Variants in PRR16 observed in about 807,000 individuals in gnomAD.
PRR16 encodes the protein proline rich 16, also known as protein Largen.
In PRR16, 6 loss-of-function variants were observed where a neutral mutation model predicts 18.2. That is an observed-to-expected ratio of 0.33 (90% CI 0.18 to 0.65). PRR16 has a LOEUF of 0.65. Among genes scored for constraint, PRR16 ranks in the 30% least tolerant of loss-of-function variants. The probability of loss-of-function intolerance (pLI) is 0.74; values close to 1 mark genes in which losing one functional copy is unlikely to be tolerated. For missense variants in PRR16, 412 were observed against 376.6 expected (o/e 1.09, Z -0.78); for synonymous variants, 151 against 147.8 (o/e 1.02, Z -0.16).
chr5:120,657,240 A>G (rs1457782983), intron 1 of PRR16, among the ~76,000 whole-genome samples: 2 of 151,974 alleles, frequency 1.3e-5, no homozygotes, highest in African/African-American at 2.4e-5. Context: ...TTGCCAGCCC[A>G]GGTTTTAAAC....
chr5:120,743,478 AT>A, the PRR16 span, among the ~76,000 whole-genome samples: 52 of 152,198 alleles, frequency 3.4e-4, no homozygotes, highest in African/African-American at 1.2e-3. Context: ...TTCCCTTAGA[AT>A]TTCAGAGTTA....
the PRR16 span, among the ~76,000 whole-genome samples, chr5:120,785,572 G>GTTTTTTTTTTTTTTTTTTTTT: frequency 1.8e-3 from 218 of 119,900 alleles, 36 homozygotes; most frequent in Middle Eastern, 4.4e-3. Context: ...TTTTGTTGTT[G>GTTTTTTTTTTTTTTTTTTTTT]TTGTTTTTTT....
chr5:120,475,848 G>C lies in PRR16; in HGVS notation c.159+11203G>C, dbSNP rs144364365. On this transcript the variant is annotated intron_variant, in intron 1 of 1. Coordinates refer to ENST00000407149, the MANE Select transcript of PRR16 (RefSeq NM_001300783.2). ...CAGCAAAACATATGTAGCCCCTGCC[G>C]TCTTGGAACTTATATTTTAGTAGAG... Among the ~76,000 whole-genome samples, 181 of 152,140 alleles carry C rather than the reference G, an allele frequency of 1.2e-3. 2 individuals are homozygous for C. Among genetic ancestry groups the C allele is most frequent in the African/African-American group, 4.0e-3 (164 of 41,500 alleles).
rs746425122 is a variant in PRR16, at chr5:120,600,262, G to A, written c.160-85692G>A. 4.0e-4 allele frequency among the ~76,000 whole-genome samples: 61 copies of A among 151,760 alleles called. 1 individual carries two copies. Among genetic ancestry groups the A allele is most frequent in the Non-Finnish European group, 8.7e-4 (59 of 67,854 alleles). ...CATTCTATGCCAATTTGACTAGAAT[G>A]TCTCCTTTTTTGTTTAAGCCCCTTT... is the stretch of plus-strand genomic sequence containing the variant. On this transcript the variant is annotated intron_variant, in intron 1 of 1. Transcript: ENST00000407149.
the PRR16 span, among the ~76,000 whole-genome samples, chr5:120,762,939 A>ATT: frequency 6.6e-5 from 10 of 151,954 alleles, no homozygotes; most frequent in Non-Finnish European, 1.3e-4. Context: ...CTTTGAGTTG[A>ATT]TTTTTGTGTG....
chr5:120,516,200 G>A lies in PRR16; in HGVS notation c.159+51555G>A, dbSNP rs544455279. Among the ~76,000 whole-genome samples, 5 of 152,188 alleles carry A rather than the reference G, an allele frequency of 3.3e-5. No homozygotes were observed. The South Asian group carries it at 8.3e-4, about 25-fold the overall frequency. ...GCACTTTGGGAGGTGGAGGTGGGAG[G>A]ATCACTTGAGGTCAGGAGTTCGAGA... On this transcript the variant is annotated intron_variant, in intron 1 of 1. Transcript: ENST00000407149.
intron 1 of PRR16, among the ~76,000 whole-genome samples, chr5:120,476,818 A>G (rs548539634): frequency 1.3e-5 from 2 of 152,256 alleles, no homozygotes; most frequent in East Asian, 3.9e-4. Flanking sequence ...AATAAAAATA[A>G]AAAATAAAAA....
chr5:120,740,096 T>G, the PRR16 span, among the ~76,000 whole-genome samples: 5 of 152,148 alleles, frequency 3.3e-5, no homozygotes, highest in African/African-American at 9.7e-5. Flanking sequence ...GGACAATGAT[T>G]ATTACTTCTA....
At chr5:120,739,859 T>C in the PRR16 span, among the ~76,000 whole-genome samples, 28 of 152,066 alleles carry the variant, frequency 1.8e-4, no homozygotes, top group Non-Finnish European at 3.1e-4. Flanking sequence ...AGTAGAGTTC[T>C]GGAAGCGATT....
At chr5:120,793,195 C>G in the PRR16 span, among the ~76,000 whole-genome samples, 1 of 152,018 alleles carries the variant, frequency 6.6e-6, no homozygotes, top group African/African-American at 2.4e-5. Flanking sequence ...GACACAGTGA[C>G]AATATGGTAT....
intron 1 of PRR16, among the ~76,000 whole-genome samples, chr5:120,479,314 G>T (rs1371455253): frequency 6.6e-6 from 1 of 152,118 alleles, no homozygotes; most frequent in African/African-American, 2.4e-5. Context: ...CAGGGAGACT[G>T]TTGGACCTCT....
chr5:120,786,805 A>C, the PRR16 span, among the ~76,000 whole-genome samples: 1 of 152,050 alleles, frequency 6.6e-6, no homozygotes, highest in East Asian at 1.9e-4. Flanking sequence ...CAGTCACTTA[A>C]TATGTTACTT....
the PRR16 span, among the ~76,000 whole-genome samples, chr5:120,757,914 A>G: frequency 3.3e-5 from 5 of 152,102 alleles, no homozygotes; most frequent in East Asian, 1.9e-4. Context: ...TGACAAATGC[A>G]TTGGAGTAAA....
chr5:120,578,442 C>G (rs1223113862), intron 1 of PRR16, among the ~76,000 whole-genome samples: 2 of 152,144 alleles, frequency 1.3e-5, no homozygotes, highest in African/African-American at 4.8e-5. Flanking sequence ...GTTCCCCTCT[C>G]TGTTTCCATG....
At chr5:120,553,476 GA>G (rs1443703127) in intron 1 of PRR16, among the ~76,000 whole-genome samples, 8 of 151,766 alleles carry the variant, frequency 5.3e-5, no homozygotes, top group Non-Finnish European at 1.2e-4. Flanking sequence ...TTTTCAATCT[GA>G]ATATCTTTAT....
intron 1 of PRR16, among the ~76,000 whole-genome samples, chr5:120,637,337 A>AC (rs1305787563): frequency 4.6e-5 from 7 of 150,690 alleles, no homozygotes; most frequent in African/African-American, 7.3e-5. Context: ...AAAAAAAAAA[A>AC]AAAAAACTTG....
the PRR16 span, among the ~76,000 whole-genome samples, chr5:120,696,883 C>T: frequency 6.6e-6 from 1 of 152,104 alleles, no homozygotes. Flanking sequence ...ACATGTTATA[C>T]TTGACAAATA....
At chr5:120,720,576 A>G in the PRR16 span, among the ~76,000 whole-genome samples, 6 of 151,998 alleles carry the variant, frequency 3.9e-5, no homozygotes, top group East Asian at 1.2e-3. Flanking sequence ...TTATAGTATA[A>G]TTATTTTTGG....
chr5:120,771,429 A>G, the PRR16 span, among the ~76,000 whole-genome samples: 2 of 152,086 alleles, frequency 1.3e-5, no homozygotes, highest in Admixed American at 1.3e-4. Context: ...ACAAAAGCAG[A>G]TGTCTTGATT....
Sources: allele counts gnomAD v4.1 joint callset (sites outside exome capture counted in the v4.1 genomes callset), GRCh38; gene constraint gnomAD v4.1.1; transcripts MANE v1.5; gene names NCBI Gene and HGNC (gene_info 2026-07-23, HGNC 2026-07-21).